The following HIPK2 variants were observed in gnomAD, a reference collection of about 807,000 sequenced individuals.
HIPK2 encodes homeodomain-interacting protein kinase 2.
A neutral mutation model predicts 113.7 loss-of-function variants in HIPK2; 27 were observed. The observed-to-expected ratio is 0.24, with a 90% confidence interval of 0.17 to 0.33. The LOEUF (loss-of-function observed/expected upper bound fraction) is 0.33, where lower values mean the gene tolerates loss of function less well. HIPK2 is among the 10% of genes least tolerant of loss of function. The pLI, the probability that HIPK2 is intolerant of heterozygous loss-of-function variation, is 1.00. For synonymous variants in HIPK2, 631 were observed against 642.2 expected, an observed-to-expected ratio of 0.98 and a Z score of 0.26; for missense variants, 1,257 against 1,588.0, an observed-to-expected ratio of 0.79 and a Z score of 3.54.
intron 2 of HIPK2, among the ~76,000 whole-genome samples, chr7:139,673,295 T>C (rs1342975684): frequency 6.6e-6 from 1 of 152,052 alleles, no homozygotes; most frequent in African/African-American, 2.4e-5. Context: ...TAGCAACACA[T>C]AATGAGAGTA....
At chr7:139,730,965 C>T (rs1409263133) in intron 1 of HIPK2, among the ~76,000 whole-genome samples, 5 of 152,112 alleles carry the variant, frequency 3.3e-5, no homozygotes, top group African/African-American at 9.7e-5. Context: ...CATCAGAAGC[C>T]GAGAGAAGGC....
At chr7:139,753,033 G>C (rs1250281291) in intron 1 of HIPK2, among the ~76,000 whole-genome samples, 3 of 152,204 alleles carry the variant, frequency 2.0e-5, no homozygotes, top group East Asian at 3.9e-4. Flanking sequence ...GGCAAGCACA[G>C]GTATGCCTCT....
chr7:139,691,078 A>C (rs553643773), intron 2 of HIPK2, among the ~76,000 whole-genome samples: 2 of 152,288 alleles, frequency 1.3e-5, no homozygotes, highest in South Asian at 4.1e-4. Flanking sequence ...GTGAGATTAG[A>C]TAATTGCCAA....
intron 2 of HIPK2, among the ~76,000 whole-genome samples, chr7:139,664,575 C>T (rs1246547755): frequency 6.6e-6 from 1 of 152,084 alleles, no homozygotes; most frequent in African/African-American, 2.4e-5. Context: ...CCTGCAAACC[C>T]TTGATTTTTA....
In HIPK2 at chr7:139,777,694, C is replaced by G; in HGVS notation, c.-71G>C. The G allele has an allele frequency of 9.3e-7, 1 of 1,072,774 alleles. No homozygotes were observed. The highest frequency in any genetic ancestry group is 1.7e-5 in the African/African-American group (1 of 58,724). The allele number at this position is 1,072,774 out of a possible 1,614,324, so 66.5% of individuals were successfully genotyped here. A position where few individuals can be genotyped will look rare whatever the true frequency, so the allele number is the denominator to read the frequency against. On this transcript the variant is annotated 5_prime_UTR_variant, in exon 1 of 15. Coordinates refer to ENST00000406875, the MANE Select transcript of HIPK2 (RefSeq NM_022740.5). ...GGCGCGCGAGCTCGGCCCCCCCAGC[C>G]TCAGTCGGAATCTGCCATCTTGAGC...
At chr7:139,749,763 T>C (rs917214707) in intron 1 of HIPK2, among the ~76,000 whole-genome samples, 2 of 152,212 alleles carry the variant, frequency 1.3e-5, no homozygotes, top group Non-Finnish European at 2.9e-5. Context: ...GCAGGCTCTA[T>C]AAATGCTTGT....
At chr7:139,674,417 G>A (rs542874282) in intron 2 of HIPK2, among the ~76,000 whole-genome samples, 3 of 152,214 alleles carry the variant, frequency 2.0e-5, no homozygotes, top group Non-Finnish European at 2.9e-5. Flanking sequence ...AGGAGAGCTC[G>A]GTAGTGTCAG....
chr7:139,693,722 A>G (rs1403717939), intron 2 of HIPK2, among the ~76,000 whole-genome samples: 4 of 53,694 alleles, frequency 7.4e-5, no homozygotes, highest in Non-Finnish European at 1.5e-4. Context: ...TTTTGTCCAG[A>G]AAAAAAAAAA....
chr7:139,729,160 C>CA (rs1189333738), intron 1 of HIPK2, among the ~76,000 whole-genome samples: 1 of 151,680 alleles, frequency 6.6e-6, no homozygotes, highest in Non-Finnish European at 1.5e-5. Context: ...CCTGTCTCTA[C>CA]AAAAAACAAA....
chr7:139,670,372 C>T (rs1359197719), intron 2 of HIPK2, among the ~76,000 whole-genome samples: 5 of 151,684 alleles, frequency 3.3e-5, no homozygotes, highest in Admixed American at 3.3e-4. Context: ...TCATTTGAGG[C>T]CAAGAGTTCA....
At chr7:139,721,510 GT>G (rs1177325905) in intron 1 of HIPK2, among the ~76,000 whole-genome samples, 1 of 152,104 alleles carries the variant, frequency 6.6e-6, no homozygotes, top group South Asian at 2.1e-4. Context: ...GGGACTCAAT[GT>G]TTTTTTCCAC....
intron 9 of HIPK2, among the ~76,000 whole-genome samples, chr7:139,607,668 A>G (rs1799666113): frequency 6.6e-6 from 1 of 152,166 alleles, no homozygotes; most frequent in Non-Finnish European, 1.5e-5. Flanking sequence ...AACTAAGAAT[A>G]ATATTATATA....
At position 139,626,694 on chromosome 7, in the gene HIPK2, G is replaced by A. The variant is rs1412882445; in HGVS notation, c.1526C>T (p.Thr509Ile). 2 of 1,613,806 alleles carry A rather than the reference G, an allele frequency of 1.2e-6. No individual in the cohort carries two copies. Among genetic ancestry groups the A allele is most frequent in the Non-Finnish European group, 1.7e-6 (2 of 1,179,884 alleles). Residue 509 changes from threonine to isoleucine, a missense_variant, in exon 6 of 15, where the codon ACC becomes ATC. By Grantham distance (89) the Thr-to-Ile change is moderately conservative (BLOSUM62 -1). This residue lies in a region of HIPK2 where 862 missense variants were observed against 1,004.3 expected (regional missense o/e 0.86). Coordinates refer to ENST00000406875, the MANE Select transcript of HIPK2 (RefSeq NM_022740.5). Reference sequence around the variant, plus strand: ...AGTGATTCTCTTGTCAGCATCAATGGTCAGCATCTTCTTCAACAGGTCAAT... The same window carrying A: ...AGTGATTCTCTTGTCAGCATCAATGATCAGCATCTTCTTCAACAGGTCAAT... ...EFIDLLKKMLTIDADKRITPI... is the reference protein window; with the variant it reads ...EFIDLLKKMLIIDADKRITPI...
intron 1 of HIPK2, among the ~76,000 whole-genome samples, chr7:139,753,237 C>T (rs771519379): frequency 6.6e-6 from 1 of 152,190 alleles, no homozygotes; most frequent in Non-Finnish European, 1.5e-5. Context: ...GCTGCATTAC[C>T]AGGCATGCCC....
intron 2 of HIPK2, among the ~76,000 whole-genome samples, chr7:139,702,794 T>C (rs1006310139): frequency 1.3e-5 from 2 of 152,216 alleles, no homozygotes; most frequent in Non-Finnish European, 2.9e-5. Flanking sequence ...ATCTTCTCTC[T>C]GGACTTGCAA....
rs777259233 is a variant in HIPK2 at position 139,583,944 on chromosome 7, ATTG to A, written c.2835_2837del (p.Asn946del). The A allele has an allele frequency of 8.7e-6, 14 of 1,613,900 alleles. No individual in the cohort carries two copies. In the African/African-American group the frequency reaches 1.3e-4, roughly 15 times the overall value. The stretch of plus-strand genomic sequence containing the variant: ...TCCCCTTGGTGTCAAAGGCATTGGC[ATTG>A]TTGTGCCCAGCACGCTGCTGCACGG... On this transcript the variant is annotated inframe_deletion, in exon 13 of 15. Transcript: ENST00000406875.
intron 13 of HIPK2, among the ~76,000 whole-genome samples, chr7:139,581,088 T>C (rs1355409508): frequency 1.3e-5 from 2 of 152,042 alleles, no homozygotes; most frequent in South Asian, 2.1e-4. Flanking sequence ...GGCGTGGTGG[T>C]GCATGCCGGT....
At position 139,630,876 on chromosome 7, in the gene HIPK2, G is replaced by A. The variant is rs138388929; in HGVS notation, c.1347+289C>T. The stretch of plus-strand genomic sequence containing the variant: ...CCCTCTGGACTGCCAGCTCTCAAGG[G>A]CAGAGTGGGGTTCGTTTCTCTCCCT... On this transcript the variant is annotated intron_variant, in intron 4 of 14. Coordinates refer to ENST00000406875, the MANE Select transcript of HIPK2 (RefSeq NM_022740.5). This position sits in a 1 kb window ranked among gnomAD's most constrained non-coding sequence, Gnocchi z 4.0. Among the ~76,000 whole-genome samples, 46 of 152,376 alleles carry A rather than the reference G, an allele frequency of 3.0e-4. No individual in the cohort carries two copies. Among genetic ancestry groups the A allele is most frequent in the African/African-American group, 1.0e-3 (43 of 41,588 alleles).
chr7:139,632,805 C>T (rs995918597), intron 2 of HIPK2, among the ~76,000 whole-genome samples: 3 of 152,056 alleles, frequency 2.0e-5, no homozygotes, highest in African/African-American at 7.3e-5. Context: ...AGGCCAGGCA[C>T]GGTGGCTCAT....
Sources: allele counts gnomAD v4.1 joint callset (sites outside exome capture counted in the v4.1 genomes callset), GRCh38; gene constraint gnomAD v4.1.1; regional missense constraint gnomAD v4.1.1; non-coding constraint Gnocchi (gnomAD v3.1); transcripts MANE v1.5; gene names NCBI Gene and HGNC (gene_info 2026-07-23, HGNC 2026-07-21).